LRMDA: variants seen among roughly 807,000 people sequenced by gnomAD.
The protein encoded by LRMDA is leucine rich melanocyte differentiation associated.
LRMDA carries 18 observed loss-of-function variants against 29.8 expected under a neutral mutation model. The observed-to-expected ratio is 0.60, with a 90% CI of 0.42 to 0.90. The LOEUF is 0.90. Ranked by LOEUF, LRMDA falls within the 40% of genes least tolerant of loss-of-function variation. The pLI is 0.00. For synonymous variants in LRMDA, 125 were observed against 109.4 expected (o/e 1.14, Z -0.89); for missense variants, 273 against 273.9 (o/e 1.00, Z 0.02).
intron 6 of LRMDA, among the ~76,000 whole-genome samples, chr10:76,551,921 T>C (rs1564574508): frequency 1.3e-5 from 2 of 152,184 alleles, no homozygotes; most frequent in Non-Finnish European, 2.9e-5. Flanking sequence ...CTCATACAGA[T>C]GAGAGAACAG....
intron 5 of LRMDA, among the ~76,000 whole-genome samples, chr10:76,174,002 C>G (rs190798814): frequency 2.6e-5 from 4 of 152,248 alleles, no homozygotes; most frequent in East Asian, 3.9e-4. Context: ...AGTTAAGAAT[C>G]TTCCCACAAA....
chr10:76,085,194 G>A (rs182379397), intron 5 of LRMDA, among the ~76,000 whole-genome samples: 109 of 152,310 alleles, frequency 7.2e-4, no homozygotes, highest in Middle Eastern at 6.8e-3. Flanking sequence ...GACATAAAGG[G>A]ACCTGGAGCT....
chr10:76,490,211 A>G (rs1201361997), intron 6 of LRMDA, among the ~76,000 whole-genome samples: 1 of 151,988 alleles, frequency 6.6e-6, no homozygotes, highest in Admixed American at 6.6e-5. Flanking sequence ...GTCACCTAAC[A>G]TAAGATTTGT....
At chr10:75,456,970 G>A (rs1265792887) in intron 2 of LRMDA, among the ~76,000 whole-genome samples, 1 of 152,120 alleles carries the variant, frequency 6.6e-6, no homozygotes, top group African/African-American at 2.4e-5. Context: ...GTCACCTCAC[G>A]TGGCGGTAAA....
chr10:76,403,434 A>C (rs538441519), intron 6 of LRMDA: 3 of 152,102 alleles, frequency 2.0e-5, no homozygotes, highest in African/African-American at 7.2e-5. Flanking sequence ...CCCGTCTTGC[A>C]TGCCCATTCT....
At chr10:75,710,663 C>T (rs77610693) in intron 2 of LRMDA, among the ~76,000 whole-genome samples, 9 of 152,220 alleles carry the variant, frequency 5.9e-5, no homozygotes, top group African/African-American at 2.2e-4. Context: ...CATGTGGGTT[C>T]GAGAAACAAA....
At chr10:75,636,089 A>G (rs756522961) in intron 2 of LRMDA, among the ~76,000 whole-genome samples, 1 of 152,246 alleles carries the variant, frequency 6.6e-6, no homozygotes, top group Non-Finnish European at 1.5e-5. Flanking sequence ...TAAGTAATTC[A>G]GTGAGGATTT....
At chr10:75,648,063 G>A (rs995519585) in intron 2 of LRMDA, among the ~76,000 whole-genome samples, 4 of 152,146 alleles carry the variant, frequency 2.6e-5, no homozygotes, top group Non-Finnish European at 5.9e-5. Context: ...TATGGCTTAG[G>A]GATATAACAG....
intron 2 of LRMDA, among the ~76,000 whole-genome samples, chr10:76,010,201 C>T (rs549080835): frequency 2.0e-5 from 3 of 152,190 alleles, no homozygotes; most frequent in Non-Finnish European, 4.4e-5. Flanking sequence ...TGAAGGAAGA[C>T]TTAAAATGGC....
At chr10:75,958,301 G>C (rs1015510924) in intron 2 of LRMDA, among the ~76,000 whole-genome samples, 1 of 152,148 alleles carries the variant, frequency 6.6e-6, no homozygotes, top group African/African-American at 2.4e-5. Flanking sequence ...GAATTGAATA[G>C]GTCTGTAACT....
chr10:75,807,711 A>C (rs1843880764), intron 2 of LRMDA, among the ~76,000 whole-genome samples: 1 of 152,208 alleles, frequency 6.6e-6, no homozygotes, highest in African/African-American at 2.4e-5. Flanking sequence ...GGAATGGGGC[A>C]GAAGAATGCT....
At chr10:76,147,435 T>A (rs957449160) in intron 5 of LRMDA, among the ~76,000 whole-genome samples, 2 of 152,222 alleles carry the variant, frequency 1.3e-5, no homozygotes, top group African/African-American at 4.8e-5. Flanking sequence ...TTCATTCATT[T>A]CATCTTCCAT....
chr10:75,437,771 C>T (rs1366765822), intron 1 of LRMDA, among the ~76,000 whole-genome samples: 1 of 152,200 alleles, frequency 6.6e-6, no homozygotes, highest in Non-Finnish European at 1.5e-5. Flanking sequence ...GCCAAAGGGC[C>T]TCTGGAGGAG....
chr10:75,657,462 A>G (rs933671740), intron 2 of LRMDA, among the ~76,000 whole-genome samples: 1 of 152,192 alleles, frequency 6.6e-6, no homozygotes, highest in Non-Finnish European at 1.5e-5. Flanking sequence ...CAGGTACTAG[A>G]GAGCCACAGC....
At chr10:75,936,061 G>T (rs1385187524) in intron 2 of LRMDA, among the ~76,000 whole-genome samples, 6 of 152,042 alleles carry the variant, frequency 3.9e-5, no homozygotes. Flanking sequence ...GTGAGCTCTA[G>T]GTTATCTGCC....
At chr10:76,034,324 T>C (rs1289406384) in intron 2 of LRMDA, among the ~76,000 whole-genome samples, 2 of 152,166 alleles carry the variant, frequency 1.3e-5, no homozygotes, top group Non-Finnish European at 2.9e-5. Flanking sequence ...CAAGCATTTA[T>C]CCTCACAAGT....
At chr10:75,712,643 A>G (rs919272140) in intron 2 of LRMDA, among the ~76,000 whole-genome samples, 2 of 152,228 alleles carry the variant, frequency 1.3e-5, no homozygotes, top group African/African-American at 4.8e-5. Context: ...ATTGCCTGCT[A>G]AAGTATGCCC....
chr10:75,847,399 A>G (rs1427843063), intron 2 of LRMDA, among the ~76,000 whole-genome samples: 1 of 125,094 alleles, frequency 8.0e-6, no homozygotes, highest in Non-Finnish European at 1.7e-5. Context: ...GTCTAAAACT[A>G]TAAAACTCTT....
chr10:76,435,415 C>T (rs565400302), intron 6 of LRMDA, among the ~76,000 whole-genome samples: 1 of 152,192 alleles, frequency 6.6e-6, no homozygotes, highest in Admixed American at 6.5e-5. Flanking sequence ...TCATCTGAGG[C>T]CATGGCATGT....
Sources: allele counts gnomAD v4.1 joint callset (sites outside exome capture counted in the v4.1 genomes callset), GRCh38; gene constraint gnomAD v4.1.1; transcripts MANE v1.5; gene names NCBI Gene and HGNC (gene_info 2026-07-23, HGNC 2026-07-21).